SPTBN1: variants seen among roughly 807,000 people sequenced by gnomAD.
The protein encoded by SPTBN1 is spectrin beta chain, non-erythrocytic 1.
A neutral mutation model predicts 266.4 loss-of-function variants in SPTBN1; 32 were observed. The observed-to-expected ratio is 0.12, with a 90% confidence interval of 0.09 to 0.16. The LOEUF is 0.16. Ranked by LOEUF, SPTBN1 falls within the 10% of genes least tolerant of loss-of-function variation. The pLI, the probability that SPTBN1 is intolerant of heterozygous loss-of-function variation, is 1.00. For synonymous variants in SPTBN1, 1,336 were observed against 1,162.2 expected (o/e 1.15, Z -3.04); for missense variants, 2,296 against 3,067.1 (o/e 0.75, Z 5.94).
At position 54,486,403 on chromosome 2, in the gene SPTBN1, G is replaced by A. The variant is rs184463763; in HGVS notation, c.-48+29885G>A. Among the ~76,000 whole-genome samples the A allele has an allele frequency of 6.1e-3, 929 of 152,292 alleles. 7 individuals are homozygous for A. The highest frequency in any genetic ancestry group is 0.058 in the Middle Eastern group (17 of 294). On this transcript the variant is annotated intron_variant, in intron 1 of 35. Coordinates refer to ENST00000356805, the MANE Select transcript of SPTBN1 (RefSeq NM_003128.3). The stretch of plus-strand genomic sequence containing the variant: ...AAAAATTCTTCTGCCTTGGGATCCT[G>A]TTGATCTGTGACCTTACCCCCAACC...
rs989982810 is a variant in SPTBN1 at position 54,660,637 on chromosome 2, A to G, written c.6420+638A>G. ...GGGAGTCAGATATATTCTGGAAGCT[A>G]TTTTAATTTTAGGCACACAATCTCA... On this transcript the variant is annotated intron_variant, in intron 32 of 35. Coordinates refer to ENST00000356805, the MANE Select transcript of SPTBN1 (RefSeq NM_003128.3). The G allele has an allele frequency of 2.8e-5, 28 of 985,354 alleles. No homozygotes were observed. In the South Asian group the frequency reaches 1.1e-3, roughly 38 times the overall value. 61.0% of individuals were successfully genotyped at this position (985,354 alleles called of 1,614,324 possible).
chr2:54,546,179 G>T (rs1478010498), intron 2 of SPTBN1, among the ~76,000 whole-genome samples: 1 of 152,056 alleles, frequency 6.6e-6, no homozygotes, highest in East Asian at 1.9e-4. Flanking sequence ...CCAACTACAA[G>T]GACAATTTTT....
chr2:54,591,024 T>C (rs924309039), intron 2 of SPTBN1, among the ~76,000 whole-genome samples: 2 of 152,216 alleles, frequency 1.3e-5, no homozygotes, highest in Non-Finnish European at 2.9e-5. Context: ...TGGTGAGCTT[T>C]GTTCAAAACA....
chr2:54,617,525 T>A (rs1677684165), intron 5 of SPTBN1, 83 bp from the exon 6 acceptor site: 1 of 1,329,948 alleles, frequency 7.5e-7, no homozygotes, highest in Non-Finnish European at 1.1e-6. Flanking sequence ...CTTACAGACT[T>A]TTTATTAACA....
intron 2 of SPTBN1, among the ~76,000 whole-genome samples, chr2:54,595,065 C>T (rs957309521): frequency 3.3e-5 from 5 of 152,124 alleles, no homozygotes; most frequent in Non-Finnish European, 5.9e-5. Flanking sequence ...AACTCCTGAC[C>T]TCAGGAGATC....
chr2:54,629,847 A>G (rs1678615494), intron 14 of SPTBN1, 44 bp downstream of exon 14: 1 of 1,612,894 alleles, frequency 6.2e-7, no homozygotes, highest in African/African-American at 1.3e-5. Context: ...CCTTGTGACC[A>G]CCAGTGGCCC....
At chr2:54,494,253 T>TA (rs1329349104) in intron 1 of SPTBN1, among the ~76,000 whole-genome samples, 1 of 152,214 alleles carries the variant, frequency 6.6e-6, no homozygotes, top group East Asian at 1.9e-4. Flanking sequence ...AAAAAGGACT[T>TA]ATCTTTTAAG....
chr2:54,599,810 T>G (rs1009635517), intron 3 of SPTBN1, among the ~76,000 whole-genome samples: 1 of 152,224 alleles, frequency 6.6e-6, no homozygotes, highest in Non-Finnish European at 1.5e-5. Flanking sequence ...GTTGTCAGCC[T>G]GCAATGAAAA....
intron 2 of SPTBN1, among the ~76,000 whole-genome samples, chr2:54,580,927 G>T (rs1329702737): frequency 6.6e-6 from 1 of 151,930 alleles, no homozygotes; most frequent in Non-Finnish European, 1.5e-5. Flanking sequence ...TTGAAACCCT[G>T]TCTCTACTAA....
intron 1 of SPTBN1, among the ~76,000 whole-genome samples, chr2:54,501,515 A>C (rs1416542025): frequency 4.6e-5 from 7 of 152,214 alleles, no homozygotes; most frequent in Admixed American, 3.9e-4. Context: ...TGCTGTGTAT[A>C]TCCATTAAGG....
intron 4 of SPTBN1, among the ~76,000 whole-genome samples, chr2:54,614,598 T>C (rs113420783): frequency 0.067 from 10,121 of 152,004 alleles, 416 homozygotes; most frequent in African/African-American, 0.11. Context: ...AGATCAGGAG[T>C]TCGGGACCAA....
At position 54,629,090 on chromosome 2, in the gene SPTBN1, C is replaced by T; in HGVS notation, c.1956C>T (p.Gly652=). The T allele has an allele frequency of 1.2e-6, 2 of 1,613,776 alleles. No homozygotes were observed. The highest frequency in any genetic ancestry group is 1.7e-6 in the Non-Finnish European group (2 of 1,179,954). ...TCTGGGAGATGGCAGAAGAGGAAGG[C>T]TGGATACGGGAGAAGGAGAAGATCC... ...KFFWEMAEEE[G]WIREKEKILS... The change falls in exon 14 of 36, where the codon GGC becomes GGT. Residue 652 remains glycine, a synonymous_variant. Transcript: ENST00000356805.
At position 54,637,822 on chromosome 2, in the gene SPTBN1, C is replaced by T; in HGVS notation, c.3858+19C>T. The T allele has an allele frequency of 6.3e-7, 1 of 1,593,922 alleles. No individual in the cohort carries two copies. The highest frequency in any genetic ancestry group is 1.1e-5 in the South Asian group (1 of 89,266). ...TCAAGAGGTATGTTACTCTTTAATC[C>T]CTCTATTCCTGTGTTCCAGTAATAG... is the stretch of plus-strand genomic sequence containing the variant. On this transcript the variant is annotated intron_variant, in intron 18 of 35. Coordinates refer to ENST00000356805, the MANE Select transcript of SPTBN1 (RefSeq NM_003128.3).
At chr2:54,652,394 C>CT (rs1205808775) in intron 26 of SPTBN1, 1 of 152,172 alleles carries the variant, frequency 6.6e-6, no homozygotes, top group Non-Finnish European at 1.5e-5. Context: ...GTGTGCTTTT[C>CT]ATGTGACTAC....
chr2:54,494,975 G>A (rs1305628321), intron 1 of SPTBN1, among the ~76,000 whole-genome samples: 8 of 151,702 alleles, frequency 5.3e-5, no homozygotes, highest in South Asian at 2.1e-4. Flanking sequence ...CAATTGCACC[G>A]TTCTTTATAT....
chr2:54,484,599 G>A (rs1267122632), intron 1 of SPTBN1, among the ~76,000 whole-genome samples: 1 of 152,188 alleles, frequency 6.6e-6, no homozygotes, highest in Non-Finnish European at 1.5e-5. Flanking sequence ...AGTGTCTTCT[G>A]TAGTTGCCAT....
At chr2:54,600,335 C>G (rs951910667) in intron 3 of SPTBN1, among the ~76,000 whole-genome samples, 1 of 152,210 alleles carries the variant, frequency 6.6e-6, no homozygotes, top group Admixed American at 6.5e-5. Context: ...TAGTGAAGCC[C>G]TGTCTTCTCT....
chr2:54,578,479 C>T (rs1197590258), intron 2 of SPTBN1, among the ~76,000 whole-genome samples: 1 of 152,078 alleles, frequency 6.6e-6, no homozygotes, highest in Non-Finnish European at 1.5e-5. Flanking sequence ...CTGCTGCTGC[C>T]AAGTATAAGT....
Position 54,656,018 on chromosome 2 carries a change from T to C in SPTBN1, c.6046+20T>C. The C allele has an allele frequency of 6.3e-7, 1 of 1,592,480 alleles. No individual in the cohort carries two copies. Among genetic ancestry groups the C allele is most frequent in the Non-Finnish European group, 8.6e-7 (1 of 1,163,574 alleles). On this transcript the variant is annotated intron_variant, in intron 29 of 35. Transcript: ENST00000356805. ...GACTGAGTAAGGATGTAGTTTATCT[T>C]TCTGCTCTTTTGGGTATCAATGGAA...
Sources: gnomAD v4.1 joint callset for allele counts (sites outside exome capture counted in the v4.1 genomes callset) on GRCh38, gnomAD v4.1.1 for gene constraint, MANE v1.5 for transcripts, NCBI Gene and HGNC (gene_info 2026-07-23, HGNC 2026-07-21) for gene names.